The following NAALADL2 variants were observed in gnomAD, a reference collection of about 807,000 sequenced individuals.
NAALADL2 encodes N-acetylated alpha-linked acidic dipeptidase like 2, also known as inactive N-acetylated-alpha-linked acidic dipeptidase-like protein 2.
In NAALADL2, 76 loss-of-function variants were observed where a neutral mutation model predicts 87.2. The observed-to-expected ratio is 0.87, with a 90% CI of 0.72 to 1.05. The LOEUF is 1.05. Ranked by LOEUF, NAALADL2 falls within the 50% of genes least tolerant of loss-of-function variation. NAALADL2 has a pLI of 0.00. For synonymous variants in NAALADL2, 354 were observed against 331.0 expected, an observed-to-expected ratio of 1.07 and a Z score of -0.75; for missense variants, 1,089 against 945.8, an observed-to-expected ratio of 1.15 and a Z score of -1.99.
intron 1 of NAALADL2, among the ~76,000 whole-genome samples, chr3:174,442,460 TTAA>T (rs1394942585): frequency 2.6e-5 from 4 of 152,216 alleles, no homozygotes; most frequent in Non-Finnish European, 5.9e-5. Context: ...GTAACTCCTC[TTAA>T]TAAGGATGAC....
At chr3:175,294,072 G>A (rs1421843581) in intron 4 of NAALADL2, among the ~76,000 whole-genome samples, 1 of 152,146 alleles carries the variant, frequency 6.6e-6, no homozygotes, top group Non-Finnish European at 1.5e-5. Context: ...TAGGCAAGAG[G>A]AGTAAGATCC....
intron 10 of NAALADL2, among the ~76,000 whole-genome samples, chr3:175,583,889 A>G (rs1336747458): frequency 1.3e-5 from 2 of 152,260 alleles, no homozygotes; most frequent in Non-Finnish European, 2.9e-5. Flanking sequence ...GATAAAGGCA[A>G]GGTAGAGCAA....
intron 4 of NAALADL2, among the ~76,000 whole-genome samples, chr3:175,314,666 C>CTA (rs60572633): frequency 6.5e-5 from 2 of 30,764 alleles, no homozygotes; most frequent in African/African-American, 1.1e-4. Context: ...ATAGTTCTAA[C>CTA]TATATATATA....
chr3:174,751,988 AT>A (rs1433282444), intron 3 of NAALADL2, among the ~76,000 whole-genome samples: 5 of 150,768 alleles, frequency 3.3e-5, no homozygotes, highest in South Asian at 2.1e-4. Flanking sequence ...TTTTCTTTTT[AT>A]TTTTTTTAGA....
chr3:174,769,491 T>C (rs985191290), intron 3 of NAALADL2, among the ~76,000 whole-genome samples: 1 of 151,886 alleles, frequency 6.6e-6, no homozygotes, highest in African/African-American at 2.4e-5. Flanking sequence ...CTTTTTTCCT[T>C]ACTATTACAA....
intron 1 of NAALADL2, among the ~76,000 whole-genome samples, chr3:174,902,645 G>A (rs1472267688): frequency 6.6e-6 from 1 of 152,038 alleles, no homozygotes; most frequent in Non-Finnish European, 1.5e-5. Flanking sequence ...TTTTCAAGGA[G>A]ATATTATGAA....
At chr3:174,580,996 C>T (rs1205584042) in intron 2 of NAALADL2, among the ~76,000 whole-genome samples, 1 of 152,176 alleles carries the variant, frequency 6.6e-6, no homozygotes, top group Non-Finnish European at 1.5e-5. Context: ...TTCTCACCAA[C>T]ACTTGTTATG....
At chr3:174,579,712 A>T (rs1450441408) in intron 2 of NAALADL2, among the ~76,000 whole-genome samples, 1 of 152,118 alleles carries the variant, frequency 6.6e-6, no homozygotes, top group East Asian at 1.9e-4. Flanking sequence ...ACTTTACATT[A>T]AAAAATGCAA....
chr3:174,891,663 A>G (rs1730885155), intron 1 of NAALADL2, among the ~76,000 whole-genome samples: 1 of 152,108 alleles, frequency 6.6e-6, no homozygotes, highest in African/African-American at 2.4e-5. Flanking sequence ...AGTTCTGGCA[A>G]TCCTTGCCAC....
chr3:174,564,916 T>G (rs190260883), intron 2 of NAALADL2, among the ~76,000 whole-genome samples: 84 of 152,192 alleles, frequency 5.5e-4, no homozygotes, highest in Non-Finnish European at 1.1e-3. Context: ...GGTGAATTTT[T>G]GGTATTAAAA....
chr3:175,305,929 G>A (rs1560325846), intron 4 of NAALADL2, among the ~76,000 whole-genome samples: 1 of 151,686 alleles, frequency 6.6e-6, no homozygotes, highest in Admixed American at 6.6e-5. Context: ...TAATTTGCTG[G>A]CGTCTATTTG....
intron 4 of NAALADL2, among the ~76,000 whole-genome samples, chr3:175,312,563 C>T (rs1049625042): frequency 6.6e-6 from 1 of 151,952 alleles, no homozygotes; most frequent in Non-Finnish European, 1.5e-5. Flanking sequence ...TAAATTCACC[C>T]TTTAGCCAGT....
intron 9 of NAALADL2, among the ~76,000 whole-genome samples, chr3:175,473,230 A>T (rs13063924): frequency 0.67 from 101,475 of 151,930 alleles, 35,448 homozygotes; most frequent in East Asian, 0.84. Context: ...ATGTGAGAAT[A>T]CAGTATGGTT....
At chr3:175,406,622 C>A (rs1329242940) in intron 5 of NAALADL2, among the ~76,000 whole-genome samples, 4 of 152,154 alleles carry the variant, frequency 2.6e-5, no homozygotes, top group African/African-American at 9.6e-5. Flanking sequence ...TACATAAAGA[C>A]ATAATAGTGG....
chr3:175,553,678 T>G (rs1187716284), intron 9 of NAALADL2, among the ~76,000 whole-genome samples: 1 of 151,836 alleles, frequency 6.6e-6, no homozygotes, highest in African/African-American at 2.4e-5. Context: ...CCAGAGGCTA[T>G]TCCCAGGGGT....
chr3:175,315,858 T>C (rs2110347434), intron 4 of NAALADL2, among the ~76,000 whole-genome samples: 1 of 152,268 alleles, frequency 6.6e-6, no homozygotes, highest in South Asian at 2.1e-4. Context: ...ATCATAACAC[T>C]ATTTTAAGGC....
chr3:175,109,843 A>C (rs1486474292), intron 2 of NAALADL2, among the ~76,000 whole-genome samples: 1 of 151,644 alleles, frequency 6.6e-6, no homozygotes, highest in Non-Finnish European at 1.5e-5. Flanking sequence ...AAACGAACCC[A>C]CTCGTAAAGA....
At chr3:174,922,571 G>A (rs1735400166) in intron 1 of NAALADL2, among the ~76,000 whole-genome samples, 1 of 152,030 alleles carries the variant, frequency 6.6e-6, no homozygotes, top group Non-Finnish European at 1.5e-5. Context: ...TTCTGTTCCA[G>A]GATCCTATCC....
intron 11 of NAALADL2, among the ~76,000 whole-genome samples, chr3:175,635,156 T>C (rs1460833141): frequency 6.6e-6 from 1 of 152,112 alleles, no homozygotes; most frequent in Non-Finnish European, 1.5e-5. Context: ...GAGGTTTGGT[T>C]TATTCTTTTT....
Sources: allele counts gnomAD v4.1 joint callset (sites outside exome capture counted in the v4.1 genomes callset), GRCh38; gene constraint gnomAD v4.1.1; transcripts MANE v1.5; gene names NCBI Gene and HGNC (gene_info 2026-07-23, HGNC 2026-07-21).